Variants in BIRC6 observed in about 807,000 individuals in gnomAD.
The protein encoded by BIRC6 is baculoviral IAP repeat containing 6, also known as dual E2 ubiquitin-conjugating enzyme/E3 ubiquitin-protein ligase BIRC6.
BIRC6 carries 98 observed loss-of-function variants against 503.3 expected under a neutral mutation model. The observed-to-expected ratio is 0.19, with a 90% CI of 0.17 to 0.23. BIRC6 has a LOEUF of 0.23. BIRC6 is among the 10% of genes least tolerant of loss of function. BIRC6 has a pLI of 1.00. For missense variants in BIRC6, 5,360 were observed against 5,806.0 expected, an observed-to-expected ratio of 0.92 and a Z score of 2.50; for synonymous variants, 2,240 against 2,078.7, an observed-to-expected ratio of 1.08 and a Z score of -2.11.
rs536018382 is a variant in BIRC6 at position 32,591,315 on chromosome 2, A to G, written c.13356-2600A>G. ...CATTTGATGTAAAGAATTTTTTTAA[A>G]CTTCTGAGGATTCTTGCACAATTAT... is the stretch of plus-strand genomic sequence containing the variant. On this transcript the variant is annotated intron_variant, in intron 66 of 73. Transcript: ENST00000421745. Among the ~76,000 whole-genome samples the G allele has an allele frequency of 3.9e-5, 6 of 152,180 alleles. No homozygotes were observed. The South Asian group carries it at 1.2e-3, about 32-fold the overall frequency.
At chr2:32,458,013 T>A (rs2047431363) in intron 23 of BIRC6, among the ~76,000 whole-genome samples, 1 of 152,188 alleles carries the variant, frequency 6.6e-6, no homozygotes, top group Non-Finnish European at 1.5e-5. Flanking sequence ...CAGTGTCATC[T>A]GATTTTCAAT....
intron 6 of BIRC6, among the ~76,000 whole-genome samples, chr2:32,396,592 A>G (rs2039917596): frequency 6.6e-6 from 1 of 152,224 alleles, no homozygotes. Flanking sequence ...GACCCATTGG[A>G]TACCTGAAAC....
intron 12 of BIRC6, 136 bp from the exon 13 acceptor site, chr2:32,433,508 C>T (rs757436861): frequency 7.7e-6 from 5 of 651,784 alleles, no homozygotes; most frequent in African/African-American, 1.8e-5. Context: ...TATTTTCTCT[C>T]TTGATCCCAT....
At chr2:32,536,264 C>T (rs1226403381) in intron 61 of BIRC6, among the ~76,000 whole-genome samples, 4 of 152,254 alleles carry the variant, frequency 2.6e-5, no homozygotes, top group Non-Finnish European at 2.9e-5. Flanking sequence ...GTTGCCTGTT[C>T]ACTCTGATGG....
chr2:32,452,640 T>A (rs891551612), intron 22 of BIRC6, among the ~76,000 whole-genome samples: 1 of 152,156 alleles, frequency 6.6e-6, no homozygotes, highest in South Asian at 2.1e-4. Context: ...TCTCTTATTC[T>A]TCCTATGAAT....
At chr2:32,552,469 AGTTCTG>A (rs1208948480) in intron 65 of BIRC6, among the ~76,000 whole-genome samples, 1 of 152,236 alleles carries the variant, frequency 6.6e-6, no homozygotes, top group Admixed American at 6.5e-5. Context: ...CTTCAGTTTT[AGTTCTG>A]AACATCTTTG....
intron 65 of BIRC6, among the ~76,000 whole-genome samples, chr2:32,560,816 G>A (rs967833607): frequency 4.0e-5 from 6 of 151,130 alleles, no homozygotes; most frequent in African/African-American, 1.5e-4. Context: ...CAATCCTCTT[G>A]TCTCAGCCTC....
At chr2:32,599,965 G>T in intron 70 of BIRC6, 65 bp downstream of exon 70, 1 of 1,504,800 alleles carries the variant, frequency 6.6e-7, no homozygotes, top group Non-Finnish European at 9.0e-7. Flanking sequence ...TTTGTAATTT[G>T]AAGAAAAATT....
intron 67 of BIRC6, among the ~76,000 whole-genome samples, chr2:32,594,626 G>T (rs967469338): frequency 1.3e-5 from 2 of 152,188 alleles, no homozygotes; most frequent in Non-Finnish European, 2.9e-5. Context: ...AGCCTGGGAA[G>T]TTGAGGTTGC....
chr2:32,464,816 C>T lies in BIRC6; in HGVS notation c.5249C>T (p.Ser1750Phe). The change falls in exon 25 of 74, where the codon TCC (serine) becomes TTC (phenylalanine). Residue 1750 changes from serine (S) to phenylalanine (F), a missense_variant. Ser to Phe is a radical substitution (Grantham distance 155). Around this residue, in one of 16 missense-constraint regions of BIRC6, gnomAD observed 2,299 missense variants for 2,267.2 expected, o/e 1.01. Coordinates refer to ENST00000421745, the MANE Select transcript of BIRC6 (RefSeq NM_016252.4). ...GCACATAACAAAAATTCCAACAAGTCCAGAATGGTAAATTATGTTTTAAAT... is the reference window on the plus strand; with the variant it reads ...GCACATAACAAAAATTCCAACAAGTTCAGAATGGTAAATTATGTTTTAAAT... The part of the protein sequence containing the change: ...LAAHNKNSNK[S>F]RMNPLGSGLA... 1 of 1,603,842 alleles carries T rather than the reference C, an allele frequency of 6.2e-7. No individual in the cohort carries two copies. The highest frequency in any genetic ancestry group is 8.5e-7 in the Non-Finnish European group (1 of 1,173,588).
chr2:32,594,873 T>G (rs1323752179), intron 67 of BIRC6, among the ~76,000 whole-genome samples, 161 bp from the exon 68 acceptor site: 1 of 152,206 alleles, frequency 6.6e-6, no homozygotes, highest in East Asian at 1.9e-4. Flanking sequence ...GAAATAGAAA[T>G]TTTTTATTCT....
chr2:32,445,547 C>G lies in BIRC6; in HGVS notation c.4363C>G (p.Leu1455Val), dbSNP rs769355546. The G allele has an allele frequency of 6.3e-7, 1 of 1,592,872 alleles. No homozygotes were observed. The highest frequency in any genetic ancestry group is 8.5e-7 in the Non-Finnish European group (1 of 1,170,528). The change falls in exon 21 of 74, where the codon CTG (leucine) becomes GTG (valine). Residue 1455 changes from leucine to valine, a missense_variant. This residue lies in a region of BIRC6 where 2,299 missense variants were observed against 2,267.2 expected (regional missense o/e 1.01). Coordinates refer to ENST00000421745, the MANE Select transcript of BIRC6 (RefSeq NM_016252.4). ...GGSVYWYFVL[L>V]NYVKDEDLAG... The stretch of plus-strand genomic sequence containing the variant: ...TTCTGTCTATTGGTATTTTGTCTTA[C>G]TGAATTATGTGAAAGATGAAGATCT...
intron 22 of BIRC6, chr2:32,449,258 C>T (rs182628855): frequency 5.6e-4 from 97 of 174,664 alleles, no homozygotes; most frequent in Admixed American, 5.2e-3. Flanking sequence ...TTTGATGTAT[C>T]TTTGCTGCCT....
At chr2:32,532,578 C>CA (rs914515876) in intron 61 of BIRC6, among the ~76,000 whole-genome samples, 4 of 152,106 alleles carry the variant, frequency 2.6e-5, no homozygotes, top group Non-Finnish European at 5.9e-5. Flanking sequence ...GCCCCATTTC[C>CA]AAATAAGGTC....
chr2:32,592,705 C>T (rs780322847), intron 66 of BIRC6, among the ~76,000 whole-genome samples: 1 of 152,038 alleles, frequency 6.6e-6, no homozygotes, highest in Non-Finnish European at 1.5e-5. Context: ...AAGTGATTCT[C>T]CTGCCTCAGC....
At chr2:32,598,527 T>C (rs186405030) in intron 69 of BIRC6, among the ~76,000 whole-genome samples, 3 of 152,202 alleles carry the variant, frequency 2.0e-5, no homozygotes, top group Non-Finnish European at 4.4e-5. Context: ...TAATATATAA[T>C]CTCTACTTTT....
At chr2:32,439,274 C>T (rs543516466) in intron 15 of BIRC6, among the ~76,000 whole-genome samples, 2 of 152,128 alleles carry the variant, frequency 1.3e-5, no homozygotes, top group South Asian at 4.2e-4. Context: ...ATGTTTATCT[C>T]AATTAGTCAA....
intron 14 of BIRC6, among the ~76,000 whole-genome samples, chr2:32,435,850 G>A (rs927280014): frequency 6.6e-6 from 1 of 152,132 alleles, no homozygotes; most frequent in African/African-American, 2.4e-5. Flanking sequence ...AAATAAAGGT[G>A]AACTGTAAAA....
intron 1 of BIRC6, among the ~76,000 whole-genome samples, chr2:32,371,064 T>G (rs1045736535): frequency 1.3e-5 from 2 of 151,638 alleles, no homozygotes; most frequent in Admixed American, 1.3e-4. Flanking sequence ...AATACAGAAA[T>G]TAGCCGGGCG....
Sources: allele counts gnomAD v4.1 joint callset (sites outside exome capture counted in the v4.1 genomes callset), GRCh38; gene constraint gnomAD v4.1.1; regional missense constraint gnomAD v4.1.1; transcripts MANE v1.5; gene names NCBI Gene and HGNC (gene_info 2026-07-23, HGNC 2026-07-21).